ATP8B2: variants seen among roughly 807,000 people sequenced by gnomAD.
ATP8B2 encodes the protein phospholipid-transporting ATPase ID.
ATP8B2 carries 70 observed loss-of-function variants against 133.4 expected under a neutral mutation model. The ratio of observed to expected loss-of-function variants is 0.52; its 90% CI spans 0.43 to 0.64. ATP8B2 has a LOEUF of 0.64. Among genes scored for constraint, ATP8B2 ranks in the 30% least tolerant of loss-of-function variants. The pLI is 0.00. For missense variants in ATP8B2, 1,101 were observed against 1,535.7 expected, an observed-to-expected ratio of 0.72 and a Z score of 4.73; for synonymous variants, 517 against 589.5, an observed-to-expected ratio of 0.88 and a Z score of 1.78.
intron 1 of ATP8B2, 128 bp from the exon 2 acceptor site, chr1:154,327,977 C>T: frequency 6.6e-7 from 1 of 1,511,272 alleles, no homozygotes; most frequent in South Asian, 1.1e-5. Flanking sequence ...AGAGGAGAGA[C>T]TGGGAGAAGG....
chr1:154,333,127 T>C (rs1686058056), intron 9 of ATP8B2, among the ~76,000 whole-genome samples: 1 of 152,140 alleles, frequency 6.6e-6, no homozygotes, highest in Non-Finnish European at 1.5e-5. Flanking sequence ...CTGGTCAACA[T>C]GGTGAAACCC....
rs780727728 is a variant in ATP8B2, at chr1:154,342,900, G to T, written c.1392G>T (p.Thr464=). Residue 464 remains threonine, a synonymous_variant, in exon 15 of 28, where the codon ACG becomes ACT. Coordinates refer to ENST00000368489, the MANE Select transcript of ATP8B2 (RefSeq NM_001370597.1). The stretch of plus-strand genomic sequence containing the variant: ...CTGTCAAGATCGGGGACCCCCACAC[G>T]CATGAGTTCTTCCGCCTCCTTTCCC... ...LEAVKIGDPH[T]HEFFRLLSLC... 1.2e-6 allele frequency: 2 copies of T among 1,614,086 alleles called. No individual in the cohort carries two copies. The highest frequency in any genetic ancestry group is 2.2e-5 in the East Asian group (1 of 44,866).
At chr1:154,336,483 A>AT (rs10708729) in intron 11 of ATP8B2, among the ~76,000 whole-genome samples, 30 of 125,510 alleles carry the variant, frequency 2.4e-4, no homozygotes, top group African/African-American at 7.9e-4. Context: ...AATCTCATAA[A>AT]TTTTTTTTTT....
Position 154,340,672 on chromosome 1 carries a change from T to C in ATP8B2, c.1035-182T>C. The C allele has an allele frequency of 1.6e-6, 1 of 630,654 alleles. No individual in the cohort carries two copies. Among genetic ancestry groups the C allele is most frequent in the East Asian group, 2.8e-5 (1 of 36,330 alleles). The allele number at this position is 630,654 out of a possible 1,614,324, so 39.1% of individuals were successfully genotyped here. A position where few individuals can be genotyped will look rare whatever the true frequency, so the allele number is the denominator to read the frequency against. On this transcript the variant is annotated intron_variant, in intron 12 of 27. Coordinates refer to ENST00000368489, the MANE Select transcript of ATP8B2 (RefSeq NM_001370597.1). The surrounding 1 kb of genome is among the most constrained non-coding windows in gnomAD (Gnocchi z 4.0). ...GGGTCGGGTCGGGGCGTTCCTCTGC[T>C]GGCTGTGTGCAGCCGGCTCCACCTT...
intron 26 of ATP8B2, among the ~76,000 whole-genome samples, chr1:154,347,940 A>C (rs1236090388): frequency 1.3e-4 from 3 of 23,536 alleles, no homozygotes; most frequent in African/African-American, 2.1e-4. Flanking sequence ...CTCTGTCTCA[A>C]AAAAAAAAAA....
At position 154,334,319 on chromosome 1, in the gene ATP8B2, C is replaced by T; in HGVS notation, c.748+54C>T. On this transcript the variant is annotated intron_variant, in intron 10 of 27. Coordinates refer to ENST00000368489, the MANE Select transcript of ATP8B2 (RefSeq NM_001370597.1). The surrounding 1 kb of genome is among the most constrained non-coding windows in gnomAD (Gnocchi z 4.6). ...GGGTAAGAGTGACTCAGCCAGCCCT[C>T]ACTCAGGAGTATGGGATGAGGTGGG... is the stretch of plus-strand genomic sequence containing the variant. The T allele has an allele frequency of 6.2e-7, 1 of 1,600,216 alleles. No homozygotes were observed. Among genetic ancestry groups the T allele is most frequent in the African/African-American group, 1.3e-5 (1 of 74,744 alleles).
chr1:154,340,890 C>G lies in ATP8B2; in HGVS notation c.1071C>G (p.Ile357Met). 1.2e-6 allele frequency: 2 copies of G among 1,614,208 alleles called. No homozygotes were observed. The highest frequency in any genetic ancestry group is 1.7e-6 in the Non-Finnish European group (2 of 1,180,032). ...EVIRLGHSYFINWDKKMFCMK... is the reference protein window; with the variant it reads ...EVIRLGHSYFMNWDKKMFCMK... The stretch of plus-strand genomic sequence containing the variant: ...TCCGTCTGGGCCACAGCTACTTCAT[C>G]AACTGGGATAAGAAGATGTTCTGCA... The change falls in exon 13 of 28, where the codon ATC (isoleucine) becomes ATG (methionine). Residue 357 changes from isoleucine to methionine, a missense_variant. Transcript: ENST00000368489. This position sits in a 1 kb window ranked among gnomAD's most constrained non-coding sequence, Gnocchi z 4.0.
At chr1:154,339,083 C>T (rs560549450) in intron 12 of ATP8B2, among the ~76,000 whole-genome samples, 15 of 152,338 alleles carry the variant, frequency 9.8e-5, no homozygotes, top group African/African-American at 3.6e-4. Context: ...TATGGAGGTG[C>T]TGAAAACTTG....
In ATP8B2 at chr1:154,344,815, T is replaced by C. The variant is rs1686526040; in HGVS notation, c.2286+30T>C. 1 of 1,579,914 alleles carries C rather than the reference T, an allele frequency of 6.3e-7. No individual in the cohort carries two copies. Among genetic ancestry groups the C allele is most frequent in the Non-Finnish European group, 8.6e-7 (1 of 1,158,132 alleles). On this transcript the variant is annotated intron_variant, in intron 21 of 27. Transcript: ENST00000368489. This position sits in a 1 kb window ranked among gnomAD's most constrained non-coding sequence, Gnocchi z 4.1. ...GCATCGCTATCCTTAGCTTGGGCAGTATCTTTCCAGTGAGCACTTCTGTCC... is the reference window on the plus strand; with the variant it reads ...GCATCGCTATCCTTAGCTTGGGCAGCATCTTTCCAGTGAGCACTTCTGTCC...
At position 154,344,074 on chromosome 1, in the gene ATP8B2, G is replaced by T; in HGVS notation, c.1923+17G>T. 1 of 1,613,964 alleles carries T rather than the reference G, an allele frequency of 6.2e-7. No individual in the cohort carries two copies. The highest frequency in any genetic ancestry group is 1.3e-5 in the African/African-American group (1 of 75,052). ...AACATGATGGTACGGGCTGCGGGAC[G>T]GGCCAAGGATGGGCACGGAGGGCTC... On this transcript the variant is annotated intron_variant, in intron 18 of 27. Coordinates refer to ENST00000368489, the MANE Select transcript of ATP8B2 (RefSeq NM_001370597.1). The surrounding 1 kb of genome is among the most constrained non-coding windows in gnomAD (Gnocchi z 4.1).
chr1:154,328,829 G>A lies in ATP8B2; in HGVS notation c.31+657G>A, dbSNP rs923736683. 2.1e-5 allele frequency: 22 copies of A among 1,041,046 alleles called. No homozygotes were observed. In the African/African-American group the frequency reaches 3.6e-4, roughly 17 times the overall value. The allele number at this position is 1,041,046 out of a possible 1,614,324, so 64.5% of individuals were successfully genotyped here. On this transcript the variant is annotated intron_variant, in intron 2 of 27. Transcript: ENST00000368489. The surrounding 1 kb of genome is among the most constrained non-coding windows in gnomAD (Gnocchi z 4.6). ...GCGGTGTCCCCGAGCGCCGGCGGCC[G>A]GGAGGATGGCCTGGGCTGCGGGTGG...
chr1:154,332,718 A>C lies in ATP8B2; in HGVS notation c.589+21A>C, dbSNP rs759045478. 10 of 1,536,880 alleles carry C rather than the reference A, an allele frequency of 6.5e-6. No homozygotes were observed. The East Asian group carries it at 2.4e-4, about 37-fold the overall frequency. The stretch of plus-strand genomic sequence containing the variant: ...TGACGGTGAGTAATTTTGGAGGAGC[A>C]GCCTGAAGGTAGAGGAGTGGGGTTG... On this transcript the variant is annotated intron_variant, in intron 9 of 27. Transcript: ENST00000368489.
rs1457373028 is a variant in ATP8B2 at position 154,343,585 on chromosome 1, G to A, written c.1758+17G>A. ...CACCTTAATGTGGGTGTGAGGAGAGGAGGGGCCAGCCTGGGGGGTTCTACT... is the reference window on the plus strand; with the variant it reads ...CACCTTAATGTGGGTGTGAGGAGAGAAGGGGCCAGCCTGGGGGGTTCTACT... On this transcript the variant is annotated intron_variant, in intron 17 of 27. Coordinates refer to ENST00000368489, the MANE Select transcript of ATP8B2 (RefSeq NM_001370597.1). The surrounding 1 kb of genome is among the most constrained non-coding windows in gnomAD (Gnocchi z 5.8). 6.2e-7 allele frequency: 1 copy of A among 1,610,472 alleles called. No individual in the cohort carries two copies. Among genetic ancestry groups the A allele is most frequent in the Non-Finnish European group, 8.5e-7 (1 of 1,176,828 alleles).
intron 9 of ATP8B2, among the ~76,000 whole-genome samples, chr1:154,333,107 C>T (rs919939919): frequency 4.6e-5 from 7 of 152,034 alleles, no homozygotes; most frequent in African/African-American, 1.2e-4. Flanking sequence ...GCCAGGAGTT[C>T]GAGACCAGTC....
Position 154,331,725 on chromosome 1 carries a change from T to C in ATP8B2, c.438+47T>C. On this transcript the variant is annotated intron_variant, in intron 7 of 27. Transcript: ENST00000368489. The surrounding 1 kb of genome is among the most constrained non-coding windows in gnomAD (Gnocchi z 4.8). Reference sequence around the variant, plus strand: ...TAGGCCTGTAGGTTCTTCCTCTTCTTTGTGAGAAAAGGATGAATCTTTCCT... The same window carrying C: ...TAGGCCTGTAGGTTCTTCCTCTTCTCTGTGAGAAAAGGATGAATCTTTCCT... 6.4e-7 allele frequency: 1 copy of C among 1,563,866 alleles called. No homozygotes were observed. The highest frequency in any genetic ancestry group is 1.4e-5 in the African/African-American group (1 of 73,930).
chr1:154,334,385 C>G lies in ATP8B2; in HGVS notation c.749-118C>G. On this transcript the variant is annotated intron_variant, in intron 10 of 27. Coordinates refer to ENST00000368489, the MANE Select transcript of ATP8B2 (RefSeq NM_001370597.1). This position sits in a 1 kb window ranked among gnomAD's most constrained non-coding sequence, Gnocchi z 4.6. ...AAAAACCTCCAGCTGTGTATACAGG[C>G]TTCTTATCTAGCCAGTATCTCTATT... The G allele has an allele frequency of 6.6e-7, 1 of 1,511,992 alleles. No homozygotes were observed. 93.7% of individuals were successfully genotyped at this position (1,511,992 alleles called of 1,614,324 possible).
At position 154,330,937 on chromosome 1, in the gene ATP8B2, C is replaced by T. The variant is rs565503703; in HGVS notation, c.204+9C>T. ...TCCTCCTCATTCTGCAGGTAGGTGA[C>T]CCATAGTAGATTTTTTGCAGCTCCC... On this transcript the variant is annotated intron_variant, in intron 4 of 27. Coordinates refer to ENST00000368489, the MANE Select transcript of ATP8B2 (RefSeq NM_001370597.1). 28 of 1,610,792 alleles carry T rather than the reference C, an allele frequency of 1.7e-5. No individual in the cohort carries two copies. In the East Asian group the frequency reaches 5.1e-4, roughly 29 times the overall value.
chr1:154,348,316 C>A, intron 26 of ATP8B2, 92 bp from the exon 27 acceptor site: 2 of 1,408,638 alleles, frequency 1.4e-6, no homozygotes, highest in Non-Finnish European at 1.9e-6. Flanking sequence ...GTGACTTAGG[C>A]TTTGAGAGTA....
At chr1:154,347,888 C>A (rs535682654) in intron 26 of ATP8B2, among the ~76,000 whole-genome samples, 1 of 149,308 alleles carries the variant, frequency 6.7e-6, no homozygotes, top group South Asian at 2.1e-4. Flanking sequence ...TTGTGGTGAG[C>A]CGAGATCGCG....
Sources: allele counts gnomAD v4.1 joint callset (sites outside exome capture counted in the v4.1 genomes callset), GRCh38; gene constraint gnomAD v4.1.1; non-coding constraint Gnocchi (gnomAD v3.1); transcripts MANE v1.5; gene names NCBI Gene and HGNC (gene_info 2026-07-23, HGNC 2026-07-21).